Variants in ITGB3 observed in about 807,000 individuals in gnomAD.
The protein encoded by ITGB3 is integrin beta-3.
ITGB3 carries 48 observed loss-of-function variants against 85.8 expected under a neutral mutation model. The ratio of observed to expected loss-of-function variants is 0.56; its 90% CI spans 0.44 to 0.71. The LOEUF (loss-of-function observed/expected upper bound fraction) is 0.71. Ranked by LOEUF, ITGB3 falls within the 30% of genes least tolerant of loss-of-function variation. The pLI, the probability that ITGB3 is intolerant of heterozygous loss-of-function variation, is 0.00. For synonymous variants in ITGB3, 363 were observed against 395.6 expected (o/e 0.92, Z 0.98); for missense variants, 861 against 1,019.1 (o/e 0.84, Z 2.11).
intron 1 of ITGB3, among the ~76,000 whole-genome samples, chr17:47,257,199 C>T (rs190256325): frequency 1.3e-5 from 2 of 152,354 alleles, no homozygotes; most frequent in East Asian, 3.9e-4. Context: ...GTTACTACTT[C>T]ATGCATATGC....
chr17:47,273,879 A>G (rs1320830171), intron 1 of ITGB3, among the ~76,000 whole-genome samples: 1 of 152,224 alleles, frequency 6.6e-6, no homozygotes, highest in Non-Finnish European at 1.5e-5. Flanking sequence ...GAAGCTTGAG[A>G]AGATTTCAGA....
At chr17:47,292,011 T>G in intron 9 of ITGB3, 128 bp from the exon 10 acceptor site, 2 of 898,272 alleles carry the variant, frequency 2.2e-6, no homozygotes, top group Non-Finnish European at 3.6e-6. Flanking sequence ...GAACTCCAGA[T>G]TGCAAAAGCA....
chr17:47,309,939 A>G (rs113423875), intron 14 of ITGB3, among the ~76,000 whole-genome samples, 200 bp from the exon 15 acceptor site: 10 of 151,034 alleles, frequency 6.6e-5, no homozygotes, highest in African/African-American at 9.7e-5. Flanking sequence ...ATGGCATTCT[A>G]CCTCATCTCC....
intron 2 of ITGB3, among the ~76,000 whole-genome samples, chr17:47,281,269 T>G (rs894699126): frequency 1.3e-5 from 2 of 151,828 alleles, no homozygotes; most frequent in Non-Finnish European, 2.9e-5. Context: ...AGGGGTGGGG[T>G]TGAGGAGAGC....
At chr17:47,303,391 A>C (rs1166268106) in intron 13 of ITGB3, 1 of 156,926 alleles carries the variant, frequency 6.4e-6, no homozygotes, top group Non-Finnish European at 1.4e-5. Context: ...GAAAGCAGGT[A>C]AGGAGAAGAA....
chr17:47,302,871 C>A (rs1354322668), intron 13 of ITGB3, 31 bp downstream of exon 13: 1 of 1,613,154 alleles, frequency 6.2e-7, no homozygotes, highest in East Asian at 2.2e-5. Context: ...CCCGGCCCTG[C>A]CCCAGGAGGG....
At chr17:47,300,634 C>G (rs1335942922) in intron 12 of ITGB3, 56 bp downstream of exon 12, 3 of 1,322,078 alleles carry the variant, frequency 2.3e-6, no homozygotes, top group Non-Finnish European at 3.2e-6. Context: ...GTTTCTAATT[C>G]AATCCCAGAA....
chr17:47,313,347 C>CT lies in ITGB3; in HGVS notation c.*3160dup, dbSNP rs11381846. 0.59 allele frequency among the ~76,000 whole-genome samples: 76,023 copies of CT among 128,266 alleles called. 23,175 individuals carry two copies. Among genetic ancestry groups the CT allele is most frequent in the Non-Finnish European group, 0.63 (39,416 of 62,304 alleles). 84.1% of individuals were successfully genotyped at this position (128,266 alleles called of 152,430 possible). A position where few individuals can be genotyped will look rare whatever the true frequency, so the allele number is the denominator to read the frequency against. On this transcript the variant is annotated 3_prime_UTR_variant, in exon 15 of 15. Transcript: ENST00000559488. ...AGTATTCCTGGTTGAAATTTCTTTTCTTTTTTTTTTTTTTTTTGAGACAGA... is the reference window on the plus strand; with the variant it reads ...AGTATTCCTGGTTGAAATTTCTTTTCTTTTTTTTTTTTTTTTTTGAGACAGA...
intron 11 of ITGB3, 136 bp from the exon 12 acceptor site, chr17:47,300,342 C>CGTGTGTGGGTGT: frequency 1.4e-6 from 1 of 696,470 alleles, no homozygotes; most frequent in Middle Eastern, 3.7e-4. Flanking sequence ...CAGGCGCGCG[C>CGTGTGTGGGTGT]GCGCGTGTGT....
intron 1 of ITGB3, among the ~76,000 whole-genome samples, chr17:47,264,856 A>G (rs2065020159): frequency 6.6e-6 from 1 of 151,780 alleles, no homozygotes; most frequent in Non-Finnish European, 1.5e-5. Flanking sequence ...CCTTCCCCTT[A>G]TTGCTTGTTA....
In ITGB3 at chr17:47,292,453, C is replaced by T. The variant is rs754949751; in HGVS notation, c.1575C>T (p.Gly525=). 1.5e-5 allele frequency: 24 copies of T among 1,608,964 alleles called. 1 individual carries two copies. Among genetic ancestry groups the T allele is most frequent in the East Asian group, 4.5e-5 (2 of 44,768 alleles). ...GTCAGCCCGTCTGCAGCCAGCGGGG[C>T]GAGTGCCTCTGTGGTCAATGTGTCT... The part of the protein sequence containing the change: ...REGQPVCSQR[G]ECLCGQCVCH... The change falls in exon 10 of 15, where the codon GGC becomes GGT. Residue 525 remains glycine, a synonymous_variant. Coordinates refer to ENST00000559488, the MANE Select transcript of ITGB3 (RefSeq NM_000212.3).
chr17:47,277,126 C>T (rs114978537), intron 2 of ITGB3, among the ~76,000 whole-genome samples: 191 of 152,166 alleles, frequency 1.3e-3, no homozygotes, highest in African/African-American at 4.4e-3. Context: ...TGGATACCGA[C>T]GCGGGTTGGG....
Position 47,310,710 on chromosome 17 carries a change from G to T in ITGB3, c.*506G>T, listed in dbSNP as rs967334109. 5.0e-6 allele frequency: 1 copy of T among 199,296 alleles called. No individual in the cohort carries two copies. Among genetic ancestry groups the T allele is most frequent in the African/African-American group, 2.3e-5 (1 of 44,016 alleles). The allele number at this position is 199,296 out of a possible 1,614,324, so 12.3% of individuals were successfully genotyped here. On this transcript the variant is annotated 3_prime_UTR_variant, in exon 15 of 15. Transcript: ENST00000559488. Reference sequence around the variant, plus strand: ...CAGCAGCTATGGTAGGAACTGCTGGGCTTGGCAGCCCGGGTCATCTGTACC... The same window carrying T: ...CAGCAGCTATGGTAGGAACTGCTGGTCTTGGCAGCCCGGGTCATCTGTACC...
chr17:47,273,488 G>A (rs1034958371), intron 1 of ITGB3, among the ~76,000 whole-genome samples: 2 of 152,248 alleles, frequency 1.3e-5, no homozygotes, highest in Admixed American at 1.3e-4. Flanking sequence ...AGATGCCTGG[G>A]TTTGGCTTCC....
At chr17:47,254,627 C>T (rs1286266793) in intron 1 of ITGB3, among the ~76,000 whole-genome samples, 2 of 152,144 alleles carry the variant, frequency 1.3e-5, no homozygotes, top group African/African-American at 4.8e-5. Flanking sequence ...CTAGTGTATT[C>T]GGGGAGCCAT....
In ITGB3 at chr17:47,283,753, T is replaced by G. The variant is rs12709458; in HGVS notation, c.361+204T>G. Among the ~76,000 whole-genome samples the G allele has an allele frequency of 0.24, 37,021 of 152,152 alleles. 4,954 individuals carry two copies. Among genetic ancestry groups the G allele is most frequent in the East Asian group, 0.47 (2,422 of 5,172 alleles). On this transcript the variant is annotated intron_variant, in intron 3 of 14. Transcript: ENST00000559488. ...AGTCAGAAGATCTGAGGTGAATCTT[T>G]ACTGTATCATATATTAGCTATTTGA...
chr17:47,257,472 A>G (rs1367450637), intron 1 of ITGB3, among the ~76,000 whole-genome samples: 2 of 152,266 alleles, frequency 1.3e-5, no homozygotes, highest in African/African-American at 4.8e-5. Flanking sequence ...GAAGAGGGAC[A>G]TGTCTATTTT....
intron 1 of ITGB3, among the ~76,000 whole-genome samples, chr17:47,256,635 T>G (rs567916848): frequency 6.6e-6 from 1 of 152,190 alleles, no homozygotes; most frequent in Non-Finnish European, 1.5e-5. Flanking sequence ...AAGAGCTGAG[T>G]GGCACAGAGA....
chr17:47,280,576 G>A (rs1468249688), intron 2 of ITGB3, among the ~76,000 whole-genome samples: 1 of 152,076 alleles, frequency 6.6e-6, no homozygotes, highest in African/African-American at 2.4e-5. Flanking sequence ...AGGGTGGTCC[G>A]GAACTCCTGA....
Sources: gnomAD v4.1 joint callset for allele counts (sites outside exome capture counted in the v4.1 genomes callset) on GRCh38, gnomAD v4.1.1 for gene constraint, MANE v1.5 for transcripts, NCBI Gene and HGNC (gene_info 2026-07-23, HGNC 2026-07-21) for gene names.